The following NBAS variants were observed in gnomAD, a reference collection of about 807,000 sequenced individuals.
NBAS encodes the protein NBAS subunit of NRZ tethering complex.
In NBAS, 219 loss-of-function variants were observed where a neutral mutation model predicts 302.5. That is an observed-to-expected ratio of 0.72 (90% CI 0.65 to 0.81). The LOEUF is 0.81. Ranked by LOEUF, NBAS falls within the 30% of genes least tolerant of loss-of-function variation. The probability of loss-of-function intolerance (pLI) is 0.00; values close to 1 mark genes in which losing one functional copy is unlikely to be tolerated. For synonymous variants in NBAS, 1,118 were observed against 1,021.6 expected, an observed-to-expected ratio of 1.09 and a Z score of -1.80; for missense variants, 2,932 against 2,841.6, an observed-to-expected ratio of 1.03 and a Z score of -0.72.
intron 10 of NBAS, among the ~76,000 whole-genome samples, chr2:15,508,341 C>T (rs1050806736): frequency 2.0e-5 from 3 of 152,152 alleles, no homozygotes; most frequent in African/African-American, 7.2e-5. Context: ...AAAGGGAAAG[C>T]ACAGGAGAAT....
chr2:14,899,895 G>A, the NBAS span, among the ~76,000 whole-genome samples: 2 of 152,140 alleles, frequency 1.3e-5, no homozygotes, highest in African/African-American at 4.8e-5. Context: ...CTTTCAGGGA[G>A]CAAAGTAATT....
Position 15,511,288 on chromosome 2 carries a change from C to T in NBAS, c.809G>A (p.Gly270Asp), listed in dbSNP as rs776010451. The change falls in exon 10 of 52, where the codon GGC (glycine) becomes GAC (aspartate). Residue 270 changes from glycine (G) to aspartate (D), a missense_variant. Physicochemically the swap from Gly to Asp is moderately conservative, Grantham distance 94. Transcript: ENST00000281513. The part of the protein sequence containing the change: ...EVGMSKASSC[G>D]LSAWRVLSGS... Reference sequence around the variant, plus strand: ...TGAAAGAACTCTCCAGGCAGAAAGGCCACAGCTAGAAGCTTTTGACATGCC... The same window carrying T: ...TGAAAGAACTCTCCAGGCAGAAAGGTCACAGCTAGAAGCTTTTGACATGCC... 51 of 1,613,908 alleles carry T rather than the reference C, an allele frequency of 3.2e-5. No individual in the cohort carries two copies. Among genetic ancestry groups the T allele is most frequent in the Non-Finnish European group, 4.2e-5 (50 of 1,179,954 alleles).
At chr2:15,540,014 T>G (rs1003785639) in intron 6 of NBAS, among the ~76,000 whole-genome samples, 1 of 152,174 alleles carries the variant, frequency 6.6e-6, no homozygotes, top group Non-Finnish European at 1.5e-5. Flanking sequence ...TGTTCTGAAT[T>G]TTCAGTAAAA....
At chr2:15,485,186 C>A (rs956659249) in intron 12 of NBAS, among the ~76,000 whole-genome samples, 2 of 151,874 alleles carry the variant, frequency 1.3e-5, no homozygotes, top group Non-Finnish European at 2.9e-5. Flanking sequence ...AAGAGTTAAG[C>A]ATATCTGAGA....
the NBAS span, among the ~76,000 whole-genome samples, chr2:14,987,293 A>G: frequency 6.6e-6 from 1 of 152,078 alleles, no homozygotes; most frequent in Non-Finnish European, 1.5e-5. Flanking sequence ...AATAATAGTC[A>G]TATTCATAAA....
intron 42 of NBAS, among the ~76,000 whole-genome samples, chr2:15,279,994 T>C (rs1669753781): frequency 6.6e-6 from 1 of 152,196 alleles, no homozygotes; most frequent in Admixed American, 6.5e-5. Flanking sequence ...ATGATTACCC[T>C]TCAAACCTGT....
intron 13 of NBAS, among the ~76,000 whole-genome samples, chr2:15,477,915 G>T (rs1680258636): frequency 6.6e-6 from 1 of 152,140 alleles, no homozygotes; most frequent in Admixed American, 6.5e-5. Context: ...CAACCCGCGA[G>T]ATAACTTTAC....
At position 15,379,711 on chromosome 2, in the gene NBAS, G is replaced by C. The variant is rs368110991; in HGVS notation, c.3481C>G (p.Pro1161Ala). 168 of 1,613,926 alleles carry C rather than the reference G, an allele frequency of 1.0e-4. No homozygotes were observed. The highest frequency in any genetic ancestry group is 1.4e-4 in the Non-Finnish European group (164 of 1,180,004). Reference sequence around the variant, plus strand: ...TTTTCGTAGCTGACCCTGTAGTGGGGTTTCCCTTTATGGGCTATACCAGCT... The same window carrying C: ...TTTTCGTAGCTGACCCTGTAGTGGGCTTTCCCTTTATGGGCTATACCAGCT... ...PPAGIAHKGK[P>A]HYRVSYEKSI... Residue 1161 changes from proline (P) to alanine (A), a missense_variant, in exon 30 of 52, where the codon CCC becomes GCC. Coordinates refer to ENST00000281513, the MANE Select transcript of NBAS (RefSeq NM_015909.4).
At chr2:15,340,796 G>A (rs903854531) in intron 35 of NBAS, among the ~76,000 whole-genome samples, 1 of 152,094 alleles carries the variant, frequency 6.6e-6, no homozygotes, top group East Asian at 1.9e-4. Flanking sequence ...CAAGACGACC[G>A]AGATGTCCCT....
the NBAS span, among the ~76,000 whole-genome samples, chr2:14,918,621 T>C: frequency 3.9e-5 from 6 of 152,328 alleles, no homozygotes; most frequent in Non-Finnish European, 5.9e-5. Context: ...CTTAGTCTTG[T>C]CCCTGAGGGC....
At chr2:15,153,822 G>A in the NBAS span, among the ~76,000 whole-genome samples, 4 of 152,192 alleles carry the variant, frequency 2.6e-5, no homozygotes, top group South Asian at 4.1e-4. Flanking sequence ...TTTATAGGGA[G>A]GTTGTGAGTT....
chr2:15,438,277 G>T lies in NBAS; in HGVS notation c.2340-10483C>A, dbSNP rs143178837. ...CACCATGAGGTGGCTGGTGGAGCTCGTATTTTGATTAAATAAATCATATGT... is the reference window on the plus strand; with the variant it reads ...CACCATGAGGTGGCTGGTGGAGCTCTTATTTTGATTAAATAAATCATATGT... On this transcript the variant is annotated intron_variant, in intron 21 of 51. Transcript: ENST00000281513. Among the ~76,000 whole-genome samples, 8 of 152,228 alleles carry T rather than the reference G, an allele frequency of 5.3e-5. No homozygotes were observed. The East Asian group carries it at 1.5e-3, about 29-fold the overall frequency.
At chr2:14,836,328 T>C in the NBAS span, among the ~76,000 whole-genome samples, 1 of 151,898 alleles carries the variant, frequency 6.6e-6, no homozygotes, top group Admixed American at 6.6e-5. Flanking sequence ...TCATGGTTAA[T>C]GCTTTTTGTG....
chr2:15,418,849 G>A (rs1210941745), intron 23 of NBAS, among the ~76,000 whole-genome samples: 1 of 152,180 alleles, frequency 6.6e-6, no homozygotes, highest in East Asian at 1.9e-4. Context: ...CATGAATGCT[G>A]TGTGTCAAGC....
In NBAS at chr2:15,374,554, G is replaced by A. The variant is rs112593522; in HGVS notation, c.3703+54C>T. 2,674 of 1,448,968 alleles carry A rather than the reference G, an allele frequency of 1.8e-3. 23 individuals carry two copies. In the African/African-American group the frequency reaches 0.023, roughly 12 times the overall value. 89.8% of individuals were successfully genotyped at this position (1,448,968 alleles called of 1,614,324 possible). A position where few individuals can be genotyped will look rare whatever the true frequency, so the allele number is the denominator to read the frequency against. On this transcript the variant is annotated intron_variant, in intron 31 of 51. Coordinates refer to ENST00000281513, the MANE Select transcript of NBAS (RefSeq NM_015909.4). ...TTTTAAAAACTAAAAAAGAATACTAGTAAATTGCTGCAATATAAGTTAGTA... is the reference window on the plus strand; with the variant it reads ...TTTTAAAAACTAAAAAAGAATACTAATAAATTGCTGCAATATAAGTTAGTA...
At chr2:15,436,637 TTAACTG>T (rs1174874385) in intron 21 of NBAS, among the ~76,000 whole-genome samples, 1 of 152,222 alleles carries the variant, frequency 6.6e-6, no homozygotes, top group Non-Finnish European at 1.5e-5. Context: ...AATGTTGTCT[TTAACTG>T]TGTCAGTCAA....
intron 44 of NBAS, among the ~76,000 whole-genome samples, chr2:15,260,076 T>A (rs144184475): frequency 5.3e-4 from 81 of 152,354 alleles, no homozygotes; most frequent in African/African-American, 1.9e-3. Context: ...AAATCACATA[T>A]GTTGTATACA....
the NBAS span, among the ~76,000 whole-genome samples, chr2:15,044,675 G>T: frequency 3.9e-5 from 6 of 152,178 alleles, no homozygotes; most frequent in African/African-American, 1.4e-4. Flanking sequence ...CATAATGGGG[G>T]TTATAATCTA....
the NBAS span, among the ~76,000 whole-genome samples, chr2:14,882,930 A>T: frequency 1.3e-5 from 2 of 152,150 alleles, no homozygotes; most frequent in East Asian, 3.9e-4. Context: ...GCCTATCCAC[A>T]GTTCTGTTCT....
Sources: gnomAD v4.1 joint callset for allele counts (sites outside exome capture counted in the v4.1 genomes callset) on GRCh38, gnomAD v4.1.1 for gene constraint, MANE v1.5 for transcripts, NCBI Gene and HGNC (gene_info 2026-07-23, HGNC 2026-07-21) for gene names.